Variants in MROH1 observed in about 807,000 individuals in gnomAD.
The protein encoded by MROH1 is maestro heat-like repeat-containing protein family member 1.
In MROH1, 117 loss-of-function variants were observed where a neutral mutation model predicts 116.5. The ratio of observed to expected loss-of-function variants is 1.00; its 90% CI spans 0.86 to 1.17. MROH1 has a LOEUF of 1.17. MROH1 is among the 50% of genes most tolerant of loss of function. The probability of loss-of-function intolerance (pLI) is 0.00; values close to 1 mark genes in which losing one functional copy is unlikely to be tolerated. For missense variants in MROH1, 1,873 were observed against 1,338.5 expected, an observed-to-expected ratio of 1.40 and a Z score of -6.23; for synonymous variants, 921 against 583.9, an observed-to-expected ratio of 1.58 and a Z score of -8.32.
At chr8:144,187,633 CTG>C (rs1426344002) in intron 7 of MROH1, among the ~76,000 whole-genome samples, 2 of 152,228 alleles carry the variant, frequency 1.3e-5, no homozygotes, top group Admixed American at 1.3e-4. Context: ...GCCAGCTCCT[CTG>C]TGAATCGATC....
intron 1 of MROH1, among the ~76,000 whole-genome samples, chr8:144,158,571 G>A (rs1168908998): frequency 5.3e-5 from 8 of 152,030 alleles, no homozygotes; most frequent in Non-Finnish European, 8.8e-5. Context: ...ATTCACTTCA[G>A]TGTGTTTTGT....
intron 12 of MROH1, among the ~76,000 whole-genome samples, chr8:144,206,715 T>C (rs13259584): frequency 4.0e-5 from 6 of 149,174 alleles, no homozygotes; most frequent in African/African-American, 7.3e-5. Flanking sequence ...TGAGCCACCG[T>C]GCCTGGCCTT....
chr8:144,256,266 C>T (rs902922639), intron 35 of MROH1, among the ~76,000 whole-genome samples: 5 of 152,150 alleles, frequency 3.3e-5, no homozygotes, highest in African/African-American at 9.7e-5. Flanking sequence ...CCCAGGACCA[C>T]GAGCCCATGT....
chr8:144,225,941 G>A (rs1352800515), intron 14 of MROH1, among the ~76,000 whole-genome samples: 3 of 136,884 alleles, frequency 2.2e-5, no homozygotes, highest in South Asian at 2.3e-4. Flanking sequence ...TTTAGGTGGC[G>A]TCTCACCCTA....
At chr8:144,249,659 G>A (rs942629199) in intron 32 of MROH1, among the ~76,000 whole-genome samples, 56 of 151,988 alleles carry the variant, frequency 3.7e-4, no homozygotes, top group Non-Finnish European at 1.9e-4. Context: ...CCCGCGTTCC[G>A]TTCACCTGCT....
chr8:144,232,592 C>T (rs2132658011), intron 14 of MROH1, among the ~76,000 whole-genome samples: 1 of 151,974 alleles, frequency 6.6e-6, no homozygotes, highest in South Asian at 2.1e-4. Context: ...CTCCCGGGTT[C>T]ATGCCATTCT....
At chr8:144,226,848 T>C (rs1021135865) in intron 14 of MROH1, among the ~76,000 whole-genome samples, 6 of 152,086 alleles carry the variant, frequency 3.9e-5, no homozygotes, top group African/African-American at 1.5e-4. Flanking sequence ...TGTTTTTCCC[T>C]GTAAATTTTA....
chr8:144,153,033 G>T (rs1817218781), intron 1 of MROH1, among the ~76,000 whole-genome samples: 2 of 152,066 alleles, frequency 1.3e-5, no homozygotes, highest in Non-Finnish European at 2.9e-5. Context: ...CTCCACCTCT[G>T]CCAGCCCCGG....
At chr8:144,162,756 T>G (rs985082228) in intron 2 of MROH1, among the ~76,000 whole-genome samples, 2 of 151,300 alleles carry the variant, frequency 1.3e-5, no homozygotes, top group African/African-American at 4.9e-5. Context: ...AGAGTCTCAC[T>G]CTGTCGCTCA....
rs1349930218 is a variant in MROH1, at chr8:144,242,633, A to G, written c.2352+5A>G. The G allele has an allele frequency of 2.6e-6, 2 of 779,700 alleles. No homozygotes were observed. The highest frequency in any genetic ancestry group is 4.8e-6 in the Non-Finnish European group (2 of 417,446). 48.3% of individuals were successfully genotyped at this position (779,700 alleles called of 1,614,324 possible). A position where few individuals can be genotyped will look rare whatever the true frequency, so the allele number is the denominator to read the frequency against. ...GGAATAAAGGTAGAAACCAAGGTAC[A>G]GTGTGTAGGAATTAAGTGCTGGACT... On this transcript the variant is annotated splice_donor_5th_base_variant and intron_variant, in intron 24 of 43. Transcript: ENST00000326134.
intron 12 of MROH1, 35 bp from the exon 13 acceptor site, chr8:144,220,565 G>A (rs1311972501): frequency 1.9e-6 from 3 of 1,550,966 alleles, no homozygotes; most frequent in Non-Finnish European, 2.6e-6. Flanking sequence ...CCTCATCTCA[G>A]TGGTAGGCTG....
At chr8:144,167,104 C>T (rs1239090215) in intron 3 of MROH1, among the ~76,000 whole-genome samples, 3 of 152,198 alleles carry the variant, frequency 2.0e-5, no homozygotes, top group Non-Finnish European at 4.4e-5. Flanking sequence ...TCGTTGGCAG[C>T]CTGGGTGTGG....
In MROH1 at chr8:144,190,804, G is replaced by A. The variant is rs1433334251; in HGVS notation, c.583G>A (p.Gly195Ser). 6.2e-7 allele frequency: 1 copy of A among 1,613,594 alleles called. No homozygotes were observed. The highest frequency in any genetic ancestry group is 2.2e-5 in the East Asian group (1 of 44,872). ...FCSALQRFSE[G>S]ALEYLANLDR... ...TGTAGCTCTGCAGCGCTTCAGCGAG[G>A]GTGCCCTGGAGTACCTAGCCAACCT... The change falls in exon 8 of 44, where the codon GGT (glycine) becomes AGT (serine). Residue 195 changes from glycine to serine, a missense_variant. Transcript: ENST00000326134.
intron 11 of MROH1, 95 bp downstream of exon 11, chr8:144,199,295 G>A (rs1830583498): frequency 2.3e-6 from 3 of 1,331,302 alleles, no homozygotes; most frequent in Admixed American, 2.0e-5. Flanking sequence ...CTGGGGTACT[G>A]GTCGGGGATG....
intron 14 of MROH1, among the ~76,000 whole-genome samples, chr8:144,225,049 A>AT (rs1424990367): frequency 1.3e-5 from 2 of 150,482 alleles, no homozygotes; most frequent in Non-Finnish European, 3.0e-5. Flanking sequence ...TGGTTTTTTA[A>AT]TTTTTTAGAG....
rs369015279 is a variant in MROH1 at position 144,180,362 on chromosome 8, C to G, written c.463+22C>G. Reference sequence around the variant, plus strand: ...AACGGTAGGTGACGCGCGGCCTGCCCCAGGAGGAGCACGGGGCGCTGGAAG... The same window carrying G: ...AACGGTAGGTGACGCGCGGCCTGCCGCAGGAGGAGCACGGGGCGCTGGAAG... On this transcript the variant is annotated intron_variant, in intron 6 of 43. Coordinates refer to ENST00000326134, the MANE Select transcript of MROH1 (RefSeq NM_032450.3). This position sits in a 1 kb window ranked among gnomAD's most constrained non-coding sequence, Gnocchi z 7.4. 41 of 1,608,246 alleles carry G rather than the reference C, an allele frequency of 2.5e-5. No individual in the cohort carries two copies. Among genetic ancestry groups the G allele is most frequent in the Non-Finnish European group, 3.4e-5 (40 of 1,178,750 alleles).
At chr8:144,244,389 C>T in intron 27 of MROH1, 53 bp downstream of exon 27, 1 of 724,352 alleles carries the variant, frequency 1.4e-6, no homozygotes, top group Non-Finnish European at 2.6e-6. Flanking sequence ...TGGTGGGAGG[C>T]CACTGTAGGC....
intron 7 of MROH1, among the ~76,000 whole-genome samples, chr8:144,185,880 G>A (rs1165931687): frequency 7.2e-6 from 1 of 139,088 alleles, no homozygotes; most frequent in South Asian, 2.4e-4. Flanking sequence ...TGCAGGGACC[G>A]TGGGGGGATG....
intron 12 of MROH1, among the ~76,000 whole-genome samples, chr8:144,209,973 C>A (rs980814722): frequency 6.6e-6 from 1 of 150,944 alleles, no homozygotes; most frequent in African/African-American, 2.4e-5. Flanking sequence ...TATTACATAT[C>A]ATTCTAAGAC....
Sources: gnomAD v4.1 joint callset for allele counts (sites outside exome capture counted in the v4.1 genomes callset) on GRCh38, gnomAD v4.1.1 for gene constraint, Gnocchi (gnomAD v3.1) non-coding constraint, MANE v1.5 for transcripts, NCBI Gene and HGNC (gene_info 2026-07-23, HGNC 2026-07-21) for gene names.